SLC49A4: variants seen among roughly 807,000 people sequenced by gnomAD.
The protein encoded by SLC49A4 is disrupted in renal cancer protein 2.
Under a neutral mutation model 50.6 loss-of-function variants are expected in SLC49A4, and 36 were observed. The observed-to-expected ratio is 0.71, with a 90% CI of 0.55 to 0.94. The LOEUF (loss-of-function observed/expected upper bound fraction) is 0.94. SLC49A4 is among the 40% of genes least tolerant of loss of function. The probability of loss-of-function intolerance (pLI) is 0.00; values close to 1 mark genes in which losing one functional copy is unlikely to be tolerated. For synonymous variants in SLC49A4, 248 were observed against 241.2 expected (o/e 1.03, Z -0.26); for missense variants, 503 against 605.7 (o/e 0.83, Z 1.78).
chr3:122,795,572 C>T (rs1936017130), intron 1 of SLC49A4, 37 bp downstream of exon 1: 1 of 1,557,478 alleles, frequency 6.4e-7, no homozygotes, highest in South Asian at 1.2e-5. Context: ...CGCTGTCTCT[C>T]CTCCGGGAGC....
intron 4 of SLC49A4, among the ~76,000 whole-genome samples, chr3:122,841,983 T>C (rs1041643525): frequency 2.6e-5 from 4 of 152,268 alleles, no homozygotes; most frequent in African/African-American, 4.8e-5. Flanking sequence ...GGCACACATT[T>C]GTAAGATGAC....
intron 4 of SLC49A4, among the ~76,000 whole-genome samples, chr3:122,843,410 G>A (rs1056134322): frequency 6.6e-6 from 1 of 151,968 alleles, no homozygotes; most frequent in Non-Finnish European, 1.5e-5. Context: ...ATTTCATCCA[G>A]AAATATTTCA....
intron 4 of SLC49A4, among the ~76,000 whole-genome samples, chr3:122,843,602 C>T (rs1936805871): frequency 6.6e-6 from 1 of 152,126 alleles, no homozygotes; most frequent in Admixed American, 6.5e-5. Flanking sequence ...GCAATTGGTC[C>T]AAAGTGCCTT....
At chr3:122,812,173 C>T (rs1274619271) in intron 2 of SLC49A4, among the ~76,000 whole-genome samples, 1 of 152,120 alleles carries the variant, frequency 6.6e-6, no homozygotes, top group African/African-American at 2.4e-5. Context: ...CTGAGTTGGT[C>T]TCAAATTCTG....
intron 4 of SLC49A4, among the ~76,000 whole-genome samples, chr3:122,843,835 C>G (rs1280298596): frequency 1.3e-5 from 2 of 152,164 alleles, no homozygotes; most frequent in Non-Finnish European, 2.9e-5. Flanking sequence ...ATGCTGCTTC[C>G]TTTCATCAGG....
At chr3:122,838,464 C>A (rs973258197) in intron 4 of SLC49A4, among the ~76,000 whole-genome samples, 1 of 149,690 alleles carries the variant, frequency 6.7e-6, no homozygotes, top group Non-Finnish European at 1.5e-5. Flanking sequence ...GGACAAAAAA[C>A]CAAACACCGC....
At chr3:122,861,086 C>T (rs775440412) in intron 7 of SLC49A4, among the ~76,000 whole-genome samples, 9 of 152,146 alleles carry the variant, frequency 5.9e-5, no homozygotes, top group Non-Finnish European at 8.8e-5. Context: ...CTGCCTTCTT[C>T]TTTCTTCCTC....
In SLC49A4 at chr3:122,881,037, T is replaced by C. The variant is rs1937333029; in HGVS notation, c.*1659T>C. 1 of 152,116 alleles carries C rather than the reference T, an allele frequency of 6.6e-6. No individual in the cohort carries two copies. The highest frequency in any genetic ancestry group is 1.5e-5 in the Non-Finnish European group (1 of 68,016). The allele number at this position is 152,116 out of a possible 1,614,324, so 9.4% of individuals were successfully genotyped here. On this transcript the variant is annotated 3_prime_UTR_variant, in exon 9 of 9. Coordinates refer to ENST00000261038, the MANE Select transcript of SLC49A4 (RefSeq NM_032839.3). ...CACTCTGCTCACTTAGCAGAAGGAC[T>C]GAAGGAACTAAGGAACTTGCTAAAG...
At chr3:122,847,657 T>C (rs913887131) in intron 5 of SLC49A4, among the ~76,000 whole-genome samples, 1 of 151,664 alleles carries the variant, frequency 6.6e-6, no homozygotes, top group Non-Finnish European at 1.5e-5. Flanking sequence ...GTATACAATT[T>C]AAAAAAAAGT....
At chr3:122,829,489 G>A (rs956749877) in intron 3 of SLC49A4, among the ~76,000 whole-genome samples, 1 of 152,066 alleles carries the variant, frequency 6.6e-6, no homozygotes, top group Admixed American at 6.5e-5. Context: ...ACAGTGGCTT[G>A]TGCCTGTAAT....
At chr3:122,801,619 A>G (rs1936134246) in intron 1 of SLC49A4, among the ~76,000 whole-genome samples, 1 of 152,212 alleles carries the variant, frequency 6.6e-6, no homozygotes, top group South Asian at 2.1e-4. Flanking sequence ...TGAGATTATG[A>G]CATGGATGTA....
intron 2 of SLC49A4, among the ~76,000 whole-genome samples, chr3:122,812,836 A>G (rs982366157): frequency 6.6e-6 from 1 of 152,200 alleles, no homozygotes; most frequent in Non-Finnish European, 1.5e-5. Context: ...CTTAAAACTC[A>G]AGGCAACTCA....
chr3:122,850,625 A>C (rs1040255024), intron 5 of SLC49A4, among the ~76,000 whole-genome samples: 1 of 151,424 alleles, frequency 6.6e-6, no homozygotes, highest in African/African-American at 2.4e-5. Context: ...CTCCCACCTC[A>C]GCCACCCAAG....
At chr3:122,851,587 TTGATA>T (rs1346462539) in intron 5 of SLC49A4, among the ~76,000 whole-genome samples, 2 of 152,208 alleles carry the variant, frequency 1.3e-5, no homozygotes, top group Non-Finnish European at 2.9e-5. Flanking sequence ...CAGTTTTGCT[TTGATA>T]TGATATAACT....
At chr3:122,827,657 A>G (rs1936551457) in intron 3 of SLC49A4, among the ~76,000 whole-genome samples, 2 of 152,226 alleles carry the variant, frequency 1.3e-5, no homozygotes, top group Non-Finnish European at 2.9e-5. Flanking sequence ...TTTCATAGAT[A>G]TAGCCCCTCT....
intron 3 of SLC49A4, among the ~76,000 whole-genome samples, chr3:122,830,029 A>G (rs1034943807): frequency 2.0e-5 from 3 of 152,226 alleles, no homozygotes; most frequent in African/African-American, 4.8e-5. Flanking sequence ...GTAAAAATCA[A>G]TTGTCTATAT....
intron 4 of SLC49A4, 119 bp downstream of exon 4, chr3:122,833,565 A>T: frequency 1.2e-6 from 1 of 861,398 alleles, no homozygotes; most frequent in Non-Finnish European, 1.7e-6. Flanking sequence ...GTTGTAAGTA[A>T]TTGATAAAAT....
At chr3:122,801,067 A>T (rs1001527603) in intron 1 of SLC49A4, among the ~76,000 whole-genome samples, 14 of 152,206 alleles carry the variant, frequency 9.2e-5, no homozygotes, top group African/African-American at 3.4e-4. Context: ...AGATTTAACC[A>T]GAGTTGCAGT....
At chr3:122,832,579 C>T (rs2107567791) in intron 3 of SLC49A4, among the ~76,000 whole-genome samples, 2 of 152,204 alleles carry the variant, frequency 1.3e-5, no homozygotes, top group Middle Eastern at 3.4e-3. Flanking sequence ...ATCAAACAAA[C>T]CTCCTATCCT....
Sources: gnomAD v4.1 joint callset for allele counts (sites outside exome capture counted in the v4.1 genomes callset) on GRCh38, gnomAD v4.1.1 for gene constraint, MANE v1.5 for transcripts, NCBI Gene and HGNC (gene_info 2026-07-23, HGNC 2026-07-21) for gene names.